PRIM1: variants seen among roughly 807,000 people sequenced by gnomAD.
The protein encoded by PRIM1 is DNA primase small subunit.
Under a neutral mutation model 60.2 loss-of-function variants are expected in PRIM1, and 38 were observed. The observed-to-expected ratio is 0.63, with a 90% CI of 0.49 to 0.83. The LOEUF is 0.83. PRIM1 is among the 40% of genes least tolerant of loss of function. The pLI, the probability that PRIM1 is intolerant of heterozygous loss-of-function variation, is 0.00. For missense variants in PRIM1, 388 were observed against 506.2 expected (o/e 0.77, Z 2.24); for synonymous variants, 158 against 160.2 (o/e 0.99, Z 0.10).
In PRIM1 at chr12:56,740,505, C is replaced by T. The variant is rs537633904; in HGVS notation, c.982+930G>A. ...TCAAAAGTGACGTAATGAGGCTGGG[C>T]GCAGTGGCTCTTGTCTGTAATCCCA... is the stretch of plus-strand genomic sequence containing the variant. On this transcript the variant is annotated intron_variant, in intron 9 of 12. Transcript: ENST00000338193. Among the ~76,000 whole-genome samples the T allele has an allele frequency of 9.2e-5, 14 of 152,052 alleles. 1 individual carries two copies. The highest frequency in any genetic ancestry group is 6.2e-4 in the South Asian group (3 of 4,824).
At position 56,738,749 on chromosome 12, in the gene PRIM1, A is replaced by G. The variant is rs145199324; in HGVS notation, c.1053-224T>C. 8.7e-3 allele frequency among the ~76,000 whole-genome samples: 1,332 copies of G among 152,282 alleles called. 9 individuals are homozygous for G. The highest frequency in any genetic ancestry group is 0.03 in the African/African-American group (1,236 of 41,556). On this transcript the variant is annotated intron_variant, in intron 10 of 12. Coordinates refer to ENST00000338193, the MANE Select transcript of PRIM1 (RefSeq NM_000946.3). ...GTATTTTTAGTAGAGACAGGGTTTC[A>G]CCATGTTGGCCAGGATGGTCTCGAT...
chr12:56,743,024 T>A lies in PRIM1; in HGVS notation c.711A>T (p.Lys237Asn). 1 of 1,548,084 alleles carries A rather than the reference T, an allele frequency of 6.5e-7. No individual in the cohort carries two copies. The highest frequency in any genetic ancestry group is 8.7e-7 in the Non-Finnish European group (1 of 1,148,754). ...ALVNQDILEN[K>N]ESWDKILALV... ...GGGCTAAAATCTTATCCCAGCTTTC[T>A]TTATTTTCGAGAATATCTTGATTAA... Residue 237 changes from lysine to asparagine, a missense_variant, in exon 7 of 13, where the codon AAA (lysine) becomes AAT (asparagine). By Grantham distance (94) the Lys-to-Asn change is moderately conservative. Coordinates refer to ENST00000338193, the MANE Select transcript of PRIM1 (RefSeq NM_000946.3).
intron 12 of PRIM1, 143 bp downstream of exon 12, chr12:56,734,004 C>A (rs535502052): frequency 5.2e-6 from 3 of 577,058 alleles, no homozygotes; most frequent in African/African-American, 3.8e-5. Flanking sequence ...AATTAAGGAA[C>A]CTCAATTTCC....
Position 56,752,273 on chromosome 12 carries a change from A to C in PRIM1, c.26T>G (p.Leu9Arg). 6.3e-7 allele frequency: 1 copy of C among 1,590,596 alleles called. No homozygotes were observed. The highest frequency in any genetic ancestry group is 8.6e-7 in the Non-Finnish European group (1 of 1,168,552). Residue 9 changes from leucine (L) to arginine (R), a missense_variant, in exon 1 of 13, where the codon CTG becomes CGG. Around this residue, in one of 3 missense-constraint regions of PRIM1, gnomAD observed 156 missense variants for 175.8 expected, o/e 0.89. Transcript: ENST00000338193. ...GTAATAAAGTTTAAGCAGCTCGGGC[A>C]GCTCGGTGGGGTCAAACGTCTCCAT... METFDPTELPELLKLYYRR... is the reference protein window; with the variant it reads METFDPTERPELLKLYYRR...
At chr12:56,737,320 G>C (rs1279477281) in intron 11 of PRIM1, among the ~76,000 whole-genome samples, 5 of 151,284 alleles carry the variant, frequency 3.3e-5, no homozygotes, top group African/African-American at 1.2e-4. Flanking sequence ...ATGCCAAAAA[G>C]GTTGGGGAGT....
intron 5 of PRIM1, 88 bp downstream of exon 5, chr12:56,745,957 T>C (rs1390260953): frequency 1.6e-6 from 2 of 1,247,630 alleles, no homozygotes; most frequent in East Asian, 5.1e-5. Context: ...AAAAAAAAGA[T>C]AGTTTCATTT....
chr12:56,741,710 T>C, intron 8 of PRIM1, 36 bp downstream of exon 8: 1 of 1,593,812 alleles, frequency 6.3e-7, no homozygotes, highest in Non-Finnish European at 8.6e-7. Context: ...AGAATTGCAT[T>C]ATTATATCTG....
At chr12:56,742,210 G>A (rs1953877452) in intron 7 of PRIM1, 1 of 281,080 alleles carries the variant, frequency 3.6e-6, no homozygotes, top group Non-Finnish European at 6.9e-6. Context: ...CTGAGATTGT[G>A]CCACTGTGCT....
chr12:56,741,317 G>T, intron 9 of PRIM1, 118 bp downstream of exon 9: 1 of 1,116,898 alleles, frequency 9.0e-7, no homozygotes, highest in Non-Finnish European at 1.2e-6. Flanking sequence ...GGGTGACAGA[G>T]CAATTCTTCT....
At chr12:56,731,920 T>G (rs1953787897) in intron 12 of PRIM1, among the ~76,000 whole-genome samples, 186 bp from the exon 13 acceptor site, 1 of 152,226 alleles carries the variant, frequency 6.6e-6, no homozygotes, top group African/African-American at 2.4e-5. Context: ...TACAAAGGAC[T>G]TAATACGGCC....
At chr12:56,734,778 T>TATATATTATA (rs1555228415) in intron 11 of PRIM1, among the ~76,000 whole-genome samples, 2 of 140,298 alleles carry the variant, frequency 1.4e-5, no homozygotes, top group African/African-American at 5.4e-5. Context: ...TCTTTTATAT[T>TATATATTATA]TATATATATA....
intron 4 of PRIM1, 22 bp from the exon 5 acceptor site, chr12:56,746,203 G>C: frequency 6.2e-7 from 1 of 1,603,248 alleles, no homozygotes; most frequent in South Asian, 1.1e-5. Context: ...AGAAATAATA[G>C]GTTTTAAAAC....
intron 11 of PRIM1, among the ~76,000 whole-genome samples, chr12:56,737,955 C>A (rs558293153): frequency 6.6e-6 from 1 of 152,050 alleles, no homozygotes; most frequent in Non-Finnish European, 1.5e-5. Flanking sequence ...GAACTCCTGA[C>A]CTCAAGTGAT....
chr12:56,739,375 A>T lies in PRIM1; in HGVS notation c.983-12T>A. The T allele has an allele frequency of 1.3e-6, 2 of 1,522,290 alleles. No homozygotes were observed. Among genetic ancestry groups the T allele is most frequent in the Non-Finnish European group, 1.8e-6 (2 of 1,116,152 alleles). 94.3% of individuals were successfully genotyped at this position (1,522,290 alleles called of 1,614,324 possible). On this transcript the variant is annotated splice_polypyrimidine_tract_variant and intron_variant, in intron 9 of 12. Transcript: ENST00000338193. ...CACAGATATGCGACCTGTAAGACAC[A>T]AAAGTTATAAACTGATGATTGTGGA... is the stretch of plus-strand genomic sequence containing the variant.
chr12:56,749,345 G>A (rs115750941), intron 2 of PRIM1, among the ~76,000 whole-genome samples: 1,680 of 152,174 alleles, frequency 0.011, 29 homozygotes, highest in African/African-American at 0.037. Context: ...AGAAGTACTT[G>A]ATTTTGTAAA....
chr12:56,738,400 G>C lies in PRIM1; in HGVS notation c.1144+34C>G, dbSNP rs900973431. Reference sequence around the variant, plus strand: ...AGATGGATATCTATATAAAAACCCTGTATTTAAAGTGAAGCTTCAAAATAT... The same window carrying C: ...AGATGGATATCTATATAAAAACCCTCTATTTAAAGTGAAGCTTCAAAATAT... On this transcript the variant is annotated intron_variant, in intron 11 of 12. Coordinates refer to ENST00000338193, the MANE Select transcript of PRIM1 (RefSeq NM_000946.3). The C allele has an allele frequency of 8.7e-6, 13 of 1,490,096 alleles. No individual in the cohort carries two copies. The African/African-American group carries it at 2.1e-4, about 24-fold the overall frequency. The allele number at this position is 1,490,096 out of a possible 1,614,324, so 92.3% of individuals were successfully genotyped here.
At chr12:56,741,252 A>T (rs1353478067) in intron 9 of PRIM1, among the ~76,000 whole-genome samples, 183 bp downstream of exon 9, 1 of 152,188 alleles carries the variant, frequency 6.6e-6, no homozygotes, top group East Asian at 1.9e-4. Context: ...ACCCAACTGA[A>T]AAACAGTTAC....
chr12:56,744,093 G>T lies in PRIM1; in HGVS notation c.610C>A (p.Leu204Ile). Reference sequence around the variant, plus strand: ...ATAAAAGGGTGAATTTTTTCACTTAGGTGAACTTTCTTTTTAACGTCTTGA... The same window carrying T: ...ATAAAAGGGTGAATTTTTTCACTTATGTGAACTTTCTTTTTAACGTCTTGA... ...GGQDVKKKVH[L>I]SEKIHPFIRK... is the part of the protein sequence containing the mutation. The change falls in exon 6 of 13, where the codon CTA becomes ATA. Residue 204 changes from leucine to isoleucine, a missense_variant. Leu to Ile is a conservative substitution (Grantham distance 5). Coordinates refer to ENST00000338193, the MANE Select transcript of PRIM1 (RefSeq NM_000946.3). 6.4e-7 allele frequency: 1 copy of T among 1,571,530 alleles called. No individual in the cohort carries two copies. The highest frequency in any genetic ancestry group is 2.3e-5 in the East Asian group (1 of 43,478).
intron 11 of PRIM1, among the ~76,000 whole-genome samples, chr12:56,735,513 G>A (rs2137857951): frequency 6.6e-6 from 1 of 152,252 alleles, no homozygotes; most frequent in African/African-American, 2.4e-5. Context: ...TCCCACCTCA[G>A]CCTCCCAAGT....
Sources: gnomAD v4.1 joint callset for allele counts (sites outside exome capture counted in the v4.1 genomes callset) on GRCh38, gnomAD v4.1.1 for gene constraint, gnomAD v4.1.1 regional missense constraint, MANE v1.5 for transcripts, NCBI Gene and HGNC (gene_info 2026-07-23, HGNC 2026-07-21) for gene names.